The following ZNF205 variants were observed in gnomAD, a reference collection of about 807,000 sequenced individuals.
ZNF205 encodes the protein zinc finger protein 205, also known as transcriptional repressor RHIT.
Under a neutral mutation model 53.6 loss-of-function variants are expected in ZNF205, and 32 were observed. That is an observed-to-expected ratio of 0.60 (90% CI 0.45 to 0.80). The LOEUF (loss-of-function observed/expected upper bound fraction) is 0.80. Ranked by LOEUF, ZNF205 falls within the 30% of genes least tolerant of loss-of-function variation. The pLI is 0.00. For synonymous variants in ZNF205, 382 were observed against 334.3 expected (o/e 1.14, Z -1.56); for missense variants, 836 against 782.4 (o/e 1.07, Z -0.82).
At chr16:3,117,809 G>T (rs1176534662) in intron 5 of ZNF205, among the ~76,000 whole-genome samples, 2 of 149,162 alleles carry the variant, frequency 1.3e-5, no homozygotes, top group Non-Finnish European at 1.5e-5. Context: ...GGAAAAATCA[G>T]TATTCATTTA....
chr16:3,117,015 C>T (rs1375232790), intron 5 of ZNF205, among the ~76,000 whole-genome samples: 4 of 152,088 alleles, frequency 2.6e-5, no homozygotes, highest in Admixed American at 6.6e-5. Context: ...AGGATGGTCT[C>T]GATCTCCTGA....
chr16:3,116,291 G>A (rs1005940393), intron 4 of ZNF205, 136 bp from the exon 5 acceptor site: 21 of 1,351,672 alleles, frequency 1.6e-5, no homozygotes, highest in Middle Eastern at 1.9e-4. Context: ...CCTGCTTCCC[G>A]ATCAGATGGA....
At chr16:3,117,852 CTT>C (rs35351001) in intron 5 of ZNF205, among the ~76,000 whole-genome samples, 6 of 132,938 alleles carry the variant, frequency 4.5e-5, no homozygotes, top group Admixed American at 1.5e-4. Context: ...TGACGCTTAG[CTT>C]TTTTTTTTTT....
intron 2 of ZNF205, among the ~76,000 whole-genome samples, chr16:3,114,590 G>T (rs1244889407): frequency 6.6e-6 from 1 of 152,194 alleles, no homozygotes; most frequent in African/African-American, 2.4e-5. Context: ...AAGCTTTTGA[G>T]CTATGTGGTC....
chr16:3,118,912 C>T lies in ZNF205; in HGVS notation c.492C>T (p.Pro164=), dbSNP rs760764551. ...QKKNGLSLGF[P]FSRPFWAPQA... ...GCATCTCTTTCTGGGCAGGCTTTCC[C>T]TTCAGCAGGCCTTTCTGGGCCCCTC... The change falls in exon 6 of 7, where the codon CCC becomes CCT. Residue 164 remains proline (P), a synonymous_variant. Transcript: ENST00000219091. 17 of 1,613,420 alleles carry T rather than the reference C, an allele frequency of 1.1e-5. No individual in the cohort carries two copies. The Admixed American group carries it at 2.8e-4, about 27-fold the overall frequency.
rs963229993 is a variant in ZNF205, at chr16:3,120,392, G to A, written c.*67G>A. ...ACAGCCCCACTGGAGTCAAGGCTCC[G>A]AGGGAGGAGAGAGGGGCTCGGGAAG... On this transcript the variant is annotated 3_prime_UTR_variant, in exon 7 of 7. Transcript: ENST00000219091. 19 of 1,431,090 alleles carry A rather than the reference G, an allele frequency of 1.3e-5. No individual in the cohort carries two copies. Among genetic ancestry groups the A allele is most frequent in the Middle Eastern group, 2.4e-4 (1 of 4,154 alleles). 88.6% of individuals were successfully genotyped at this position (1,431,090 alleles called of 1,614,324 possible).
chr16:3,119,525 G>A lies in ZNF205; in HGVS notation c.865G>A (p.Ala289Thr). 2 of 1,603,268 alleles carry A rather than the reference G, an allele frequency of 1.2e-6. No individual in the cohort carries two copies. Among genetic ancestry groups the A allele is most frequent in the Non-Finnish European group, 1.7e-6 (2 of 1,175,546 alleles). The change falls in exon 7 of 7, where the codon GCC (alanine) becomes ACC (threonine). Residue 289 changes from alanine (A) to threonine (T), a missense_variant. Coordinates refer to ENST00000219091, the MANE Select transcript of ZNF205 (RefSeq NM_001042428.2). ...PEKPNEEEKG[A>T]PESGEEGLAP... ...GAAGCCCAACGAGGAGGAGAAGGGC[G>A]CCCCGGAGAGTGGCGAGGAGGGCCT... is the stretch of plus-strand genomic sequence containing the variant.
At chr16:3,112,868 C>G (rs1957285471) in intron 1 of ZNF205, 186 bp downstream of exon 1, 1 of 199,584 alleles carries the variant, frequency 5.0e-6, no homozygotes, top group African/African-American at 2.3e-5. Context: ...CATCCCAGGC[C>G]TGGGGCAGGT....
chr16:3,114,032 A>G (rs1247007487), intron 2 of ZNF205, among the ~76,000 whole-genome samples: 1 of 152,090 alleles, frequency 6.6e-6, no homozygotes, highest in Admixed American at 6.5e-5. Context: ...AATGCAGACC[A>G]CATGCCTGCC....
At chr16:3,113,856 T>G (rs1392549617) in intron 2 of ZNF205, among the ~76,000 whole-genome samples, 4 of 152,118 alleles carry the variant, frequency 2.6e-5, no homozygotes, top group Non-Finnish European at 5.9e-5. Context: ...CCTTTCTCCT[T>G]CCTGTACCTG....
chr16:3,119,640 G>A lies in ZNF205; in HGVS notation c.980G>A (p.Arg327Gln), dbSNP rs369442531. ...TGGCACTCGCACCTGGTGACGCACC[G>A]GCGCACGCACACGGGCGAGAAGCCC... ...FSWHSHLVTH[R>Q]RTHTGEKPYA... The change falls in exon 7 of 7, where the codon CGG becomes CAG. Residue 327 changes from arginine (R) to glutamine (Q), a missense_variant. Coordinates refer to ENST00000219091, the MANE Select transcript of ZNF205 (RefSeq NM_001042428.2). 8 of 1,611,490 alleles carry A rather than the reference G, an allele frequency of 5.0e-6. No homozygotes were observed. The South Asian group carries it at 5.5e-5, about 11-fold the overall frequency.
intron 1 of ZNF205, 29 bp from the exon 2 acceptor site, chr16:3,113,388 G>A: frequency 1.9e-6 from 3 of 1,609,836 alleles, no homozygotes; most frequent in Non-Finnish European, 2.5e-6. Flanking sequence ...GCCAAAAAGA[G>A]GGAGAAACAA....
chr16:3,115,742 G>A (rs1957335502), intron 3 of ZNF205, 87 bp from the exon 4 acceptor site: 8 of 1,458,714 alleles, frequency 5.5e-6, no homozygotes, highest in Non-Finnish European at 7.5e-6. Flanking sequence ...CCTTGGGTCG[G>A]GCCAGGGGTG....
At chr16:3,118,012 C>CTTTTTTTTTTTTTTTTT (rs71158135) in intron 5 of ZNF205, among the ~76,000 whole-genome samples, 13 of 74,284 alleles carry the variant, frequency 1.8e-4, no homozygotes, top group African/African-American at 2.3e-4. Context: ...CCATGCCCGG[C>CTTTTTTTTTTTTTTTTT]TTTTTTTTTT....
chr16:3,115,337 T>C lies in ZNF205; in HGVS notation c.58-18T>C. ...TCTCTCCCACTCATCTGGGTGCTGA[T>C]GGGGCTGTCCTTTCTAGGTTCCAGA... On this transcript the variant is annotated intron_variant, in intron 2 of 6. Transcript: ENST00000219091. The C allele has an allele frequency of 6.5e-7, 1 of 1,549,604 alleles. No homozygotes were observed. The highest frequency in any genetic ancestry group is 1.8e-4 in the Middle Eastern group (1 of 5,620).
Position 3,120,258 on chromosome 16 carries a change from T to A in ZNF205, c.1598T>A (p.Leu533Gln). Reference protein sequence around the residue: ...EKIHTTGPKALAMLMLGAAAA... With the variant: ...EKIHTTGPKAQAMLMLGAAAA... ...ATCCACACCACCGGGCCCAAGGCCC[T>A]GGCCATGCTGATGCTGGGGGCGGCG... is the stretch of plus-strand genomic sequence containing the variant. The change falls in exon 7 of 7, where the codon CTG becomes CAG. Residue 533 changes from leucine to glutamine, a missense_variant. Leu to Gln is a moderately radical substitution (Grantham distance 113). Coordinates refer to ENST00000219091, the MANE Select transcript of ZNF205 (RefSeq NM_001042428.2). 1 of 1,604,522 alleles carries A rather than the reference T, an allele frequency of 6.2e-7. No homozygotes were observed. Among genetic ancestry groups the A allele is most frequent in the Non-Finnish European group, 8.5e-7 (1 of 1,179,206 alleles).
At chr16:3,112,725 G>A (rs191719128) in intron 1 of ZNF205, 43 bp downstream of exon 1, 49 of 269,778 alleles carry the variant, frequency 1.8e-4, no homozygotes, top group Middle Eastern at 3.0e-3. Context: ...TCCCGAGACC[G>A]GCGCAGATGA....
rs767553462 is a variant in ZNF205 at position 3,120,200 on chromosome 16, A to T, written c.1540A>T (p.Ser514Cys). The stretch of plus-strand genomic sequence containing the variant: ...CTGCCCGTTGTGCGGCAAGAGCTTC[A>T]GCCGGCGCTCCAACCTGCACCGGCA... ...YACPLCGKSFSRRSNLHRHEK... is the reference protein window; with the variant it reads ...YACPLCGKSFCRRSNLHRHEK... The change falls in exon 7 of 7, where the codon AGC becomes TGC. Residue 514 changes from serine to cysteine, a missense_variant. Physicochemically the swap from Ser to Cys is moderately radical, Grantham distance 112. Coordinates refer to ENST00000219091, the MANE Select transcript of ZNF205 (RefSeq NM_001042428.2). The T allele has an allele frequency of 3.7e-6, 6 of 1,612,272 alleles. No individual in the cohort carries two copies. Among genetic ancestry groups the T allele is most frequent in the Non-Finnish European group, 5.1e-6 (6 of 1,179,686 alleles).
intron 5 of ZNF205, among the ~76,000 whole-genome samples, 155 bp from the exon 6 acceptor site, chr16:3,118,750 C>T (rs1260621155): frequency 6.6e-6 from 1 of 152,188 alleles, no homozygotes; most frequent in Non-Finnish European, 1.5e-5. Flanking sequence ...AGGGGGCGGA[C>T]CCCCGACCCA....
Sources: allele counts gnomAD v4.1 joint callset (sites outside exome capture counted in the v4.1 genomes callset), GRCh38; gene constraint gnomAD v4.1.1; transcripts MANE v1.5; gene names NCBI Gene and HGNC (gene_info 2026-07-23, HGNC 2026-07-21).